The following AOX1 variants were observed in gnomAD, a reference collection of about 807,000 sequenced individuals.
The protein encoded by AOX1 is aldehyde oxidase.
In AOX1, 153 loss-of-function variants were observed where a neutral mutation model predicts 169.5. The observed-to-expected ratio is 0.90, with a 90% CI of 0.79 to 1.03. The LOEUF (loss-of-function observed/expected upper bound fraction) is 1.03, where lower values mean the gene tolerates loss of function less well. Among genes scored for constraint, AOX1 ranks in the 50% least tolerant of loss-of-function variants. The probability of loss-of-function intolerance (pLI) is 0.00; values close to 1 mark genes in which losing one functional copy is unlikely to be tolerated. For synonymous variants in AOX1, 562 were observed against 581.9 expected, an observed-to-expected ratio of 0.97 and a Z score of 0.49; for missense variants, 1,656 against 1,663.9, an observed-to-expected ratio of 1.00 and a Z score of 0.08.
At chr2:200,613,308 T>C (rs966663757) in intron 14 of AOX1, among the ~76,000 whole-genome samples, 2 of 152,168 alleles carry the variant, frequency 1.3e-5, no homozygotes, top group African/African-American at 4.8e-5. Context: ...CTGGCCAAAA[T>C]CTCAGTTTAC....
rs1417562972 is a variant in AOX1, at chr2:200,623,994, C to T, written c.2124+11C>T. Reference sequence around the variant, plus strand: ...ATACTAACAATTGAGGTAATGAGTTCTGTGGAATGGTGGTGCCAGTTGGGA... The same window carrying T: ...ATACTAACAATTGAGGTAATGAGTTTTGTGGAATGGTGGTGCCAGTTGGGA... On this transcript the variant is annotated intron_variant, in intron 19 of 34. Coordinates refer to ENST00000374700, the MANE Select transcript of AOX1 (RefSeq NM_001159.4). 7.4e-6 allele frequency: 12 copies of T among 1,613,368 alleles called. No individual in the cohort carries two copies. The highest frequency in any genetic ancestry group is 1.0e-5 in the Non-Finnish European group (12 of 1,179,380).
At chr2:200,608,865 C>T in intron 10 of AOX1, 119 bp from the exon 11 acceptor site, 3 of 859,660 alleles carry the variant, frequency 3.5e-6, no homozygotes, top group Middle Eastern at 3.6e-4. Flanking sequence ...ACCACCATCA[C>T]CAATAAGCAG....
chr2:200,638,278 C>G lies in AOX1; in HGVS notation c.2544C>G (p.Arg848=). ...AAGACATGTTAATAACTGGAGGCCG[C>G]CATCCTTACCTTGGAAAGTACAAAG... is the stretch of plus-strand genomic sequence containing the variant. ...RGEDMLITGG[R]HPYLGKYKAG... Residue 848 remains arginine, a synonymous_variant, in exon 23 of 35, where the codon CGC becomes CGG. Transcript: ENST00000374700. 1 of 1,613,630 alleles carries G rather than the reference C, an allele frequency of 6.2e-7. No individual in the cohort carries two copies. The highest frequency in any genetic ancestry group is 8.5e-7 in the Non-Finnish European group (1 of 1,179,646).
rs768934046 is a variant in AOX1, at chr2:200,612,699, G to A, written c.1354G>A (p.Gly452Arg). Reference protein sequence around the residue: ...NSGMRVFFGEGDGIIRELCIS... With the variant: ...NSGMRVFFGERDGIIRELCIS... ...AGGAATGAGAGTCTTTTTTGGAGAA[G>A]GGGATGGCATTATTAGAGAGTTATG... Residue 452 changes from glycine (G) to arginine (R), a missense_variant, in exon 14 of 35, where the codon GGG becomes AGG. By Grantham distance (125) the Gly-to-Arg change is moderately radical. Coordinates refer to ENST00000374700, the MANE Select transcript of AOX1 (RefSeq NM_001159.4). 5.6e-6 allele frequency: 9 copies of A among 1,614,008 alleles called. No individual in the cohort carries two copies. The highest frequency in any genetic ancestry group is 1.3e-5 in the African/African-American group (1 of 74,910).
intron 25 of AOX1, among the ~76,000 whole-genome samples, chr2:200,647,552 T>A (rs1467259313): frequency 6.6e-6 from 1 of 152,254 alleles, no homozygotes; most frequent in Non-Finnish European, 1.5e-5. Context: ...GATAACCTGA[T>A]GACAATGTGC....
intron 23 of AOX1, among the ~76,000 whole-genome samples, chr2:200,640,841 T>C (rs909328289): frequency 2.0e-5 from 3 of 152,258 alleles, no homozygotes; most frequent in East Asian, 1.9e-4. Flanking sequence ...TTATTAATTA[T>C]ATTTAGAGTA....
At chr2:200,662,733 G>A in intron 30 of AOX1, 122 bp from the exon 31 acceptor site, 2 of 717,296 alleles carry the variant, frequency 2.8e-6, no homozygotes, top group Non-Finnish European at 5.0e-6. Flanking sequence ...ATTAGGTGCT[G>A]GCACATACAT....
rs151098209 is a variant in AOX1 at position 200,622,180 on chromosome 2, T to C, written c.2001+934T>C. Among the ~76,000 whole-genome samples the C allele has an allele frequency of 2.0e-3, 303 of 152,378 alleles. 1 individual carries two copies. The highest frequency in any genetic ancestry group is 7.0e-3 in the African/African-American group (292 of 41,604). ...AACAAAGTGACCTTTATGTACTTTCTACCTTGTGTTAAGCTTGTTTATTTT... is the reference window on the plus strand; with the variant it reads ...AACAAAGTGACCTTTATGTACTTTCCACCTTGTGTTAAGCTTGTTTATTTT... On this transcript the variant is annotated intron_variant, in intron 18 of 34. Coordinates refer to ENST00000374700, the MANE Select transcript of AOX1 (RefSeq NM_001159.4).
chr2:200,659,350 G>C (rs952946065), intron 28 of AOX1, 57 bp downstream of exon 28: 2 of 1,563,898 alleles, frequency 1.3e-6, no homozygotes, highest in African/African-American at 2.7e-5. Context: ...CAAATACGTG[G>C]GTGGGTGGAG....
chr2:200,648,030 C>T (rs942543310), intron 25 of AOX1, among the ~76,000 whole-genome samples: 9 of 152,084 alleles, frequency 5.9e-5, no homozygotes, highest in African/African-American at 1.9e-4. Context: ...TTGGGCTTTG[C>T]CTTTCTCTTG....
At chr2:200,596,375 C>T (rs1349991365) in intron 3 of AOX1, among the ~76,000 whole-genome samples, 2 of 152,164 alleles carry the variant, frequency 1.3e-5, no homozygotes, top group Middle Eastern at 3.2e-3. Flanking sequence ...TGGCGACTAC[C>T]CTATGCTCTG....
intron 17 of AOX1, 69 bp from the exon 18 acceptor site, chr2:200,621,051 A>G (rs1310260066): frequency 2.6e-6 from 4 of 1,523,500 alleles, no homozygotes; most frequent in Non-Finnish European, 3.5e-6. Context: ...CTCATATCTT[A>G]TTATCCAATT....
rs374929265 is a variant in AOX1 at position 200,613,796 on chromosome 2, C to T, written c.1449-8C>T. 1.9e-5 allele frequency: 31 copies of T among 1,609,522 alleles called. No homozygotes were observed. The highest frequency in any genetic ancestry group is 2.5e-5 in the Non-Finnish European group (29 of 1,178,390). On this transcript the variant is annotated splice_polypyrimidine_tract_variant and splice_region_variant and intron_variant, in intron 14 of 34. Coordinates refer to ENST00000374700, the MANE Select transcript of AOX1 (RefSeq NM_001159.4). ...TCAGGCTAGGAGTCTTCTCTTTGGA[C>T]TTTCCAGGCACTGGAACGAACAGAT...
chr2:200,658,115 G>C (rs1339417794), intron 27 of AOX1, among the ~76,000 whole-genome samples: 2 of 152,140 alleles, frequency 1.3e-5, no homozygotes, highest in Non-Finnish European at 2.9e-5. Flanking sequence ...TCAAATCATT[G>C]ATTGTTTCTT....
At chr2:200,603,621 G>A (rs763308671) in intron 7 of AOX1, among the ~76,000 whole-genome samples, 54 of 152,156 alleles carry the variant, frequency 3.5e-4, no homozygotes, top group Non-Finnish European at 5.9e-4. Context: ...GCTTTTAAAA[G>A]CATTTTTTCA....
intron 19 of AOX1, among the ~76,000 whole-genome samples, chr2:200,625,551 A>T (rs1323603873): frequency 6.6e-6 from 1 of 152,230 alleles, no homozygotes; most frequent in East Asian, 1.9e-4. Flanking sequence ...TTAAGCTCTC[A>T]AAGTCTAAAG....
At chr2:200,605,656 G>C in intron 10 of AOX1, 28 bp downstream of exon 10, 2 of 1,160,196 alleles carry the variant, frequency 1.7e-6, no homozygotes, top group South Asian at 1.7e-5. Context: ...TGTTTTCTTA[G>C]TTAAGATGCA....
chr2:200,644,044 C>T (rs1317487969), intron 25 of AOX1, among the ~76,000 whole-genome samples: 1 of 152,164 alleles, frequency 6.6e-6, no homozygotes, highest in Non-Finnish European at 1.5e-5. Context: ...GTTCCTTTTG[C>T]CATGCAAAAG....
At position 200,633,202 on chromosome 2, in the gene AOX1, G is replaced by A. The variant is rs116956199; in HGVS notation, c.2222-1589G>A. On this transcript the variant is annotated intron_variant, in intron 20 of 34. Coordinates refer to ENST00000374700, the MANE Select transcript of AOX1 (RefSeq NM_001159.4). Reference sequence around the variant, plus strand: ...TGAAGTTTGACTATGAGGTATCTTGGAGTGTATTTCTTTGAATTTATTCTA... The same window carrying A: ...TGAAGTTTGACTATGAGGTATCTTGAAGTGTATTTCTTTGAATTTATTCTA... Among the ~76,000 whole-genome samples, 56 of 152,170 alleles carry A rather than the reference G, an allele frequency of 3.7e-4. No individual in the cohort carries two copies. The East Asian group carries it at 9.6e-3, about 26-fold the overall frequency.
Sources: gnomAD v4.1 joint callset for allele counts (sites outside exome capture counted in the v4.1 genomes callset) on GRCh38, gnomAD v4.1.1 for gene constraint, MANE v1.5 for transcripts, NCBI Gene and HGNC (gene_info 2026-07-23, HGNC 2026-07-21) for gene names.